The following BEND4 variants were observed in gnomAD, a reference collection of about 807,000 sequenced individuals.
BEND4 encodes the protein BEN domain containing 4, also known as BEN domain-containing protein 4.
In BEND4, 27 loss-of-function variants were observed where a neutral mutation model predicts 54.7. That is an observed-to-expected ratio of 0.49 (90% CI 0.36 to 0.68). The LOEUF (loss-of-function observed/expected upper bound fraction) is 0.68. Among genes scored for constraint, BEND4 ranks in the 30% least tolerant of loss-of-function variants. The probability of loss-of-function intolerance (pLI) is 0.00; values close to 1 mark genes in which losing one functional copy is unlikely to be tolerated. For synonymous variants in BEND4, 327 were observed against 299.5 expected (o/e 1.09, Z -0.95); for missense variants, 702 against 697.2 (o/e 1.01, Z -0.08).
At chr4:42,146,391 T>C (rs935542457) in intron 2 of BEND4, among the ~76,000 whole-genome samples, 1 of 152,218 alleles carries the variant, frequency 6.6e-6, no homozygotes, top group Admixed American at 6.5e-5. Context: ...GGACAGAACA[T>C]ATTTTGTTAA....
Position 42,143,592 on chromosome 4 carries a change from G to A in BEND4, c.890C>T (p.Ala297Val). The change falls in exon 3 of 6, where the codon GCA (alanine) becomes GTA (valine). Residue 297 changes from alanine to valine, a missense_variant. By Grantham distance (64) the Ala-to-Val change is moderately conservative (BLOSUM62 0). Coordinates refer to ENST00000502486, the MANE Select transcript of BEND4 (RefSeq NM_207406.4). ...TGGGTGGCCATGGGATTCGGACGTT[G>A]CTGGGGAAGTCCAGCCACCTAATGT... Reference protein sequence around the residue: ...VHTLGGWTSPATSESHGHPSS... With the variant: ...VHTLGGWTSPVTSESHGHPSS... The A allele has an allele frequency of 3.8e-6, 6 of 1,593,138 alleles. No homozygotes were observed. Among genetic ancestry groups the A allele is most frequent in the Non-Finnish European group, 5.1e-6 (6 of 1,169,516 alleles).
intron 2 of BEND4, among the ~76,000 whole-genome samples, chr4:42,144,422 C>T (rs1394807117): frequency 5.9e-5 from 9 of 152,172 alleles, no homozygotes; most frequent in Admixed American, 5.9e-4. Context: ...GCCCTCATGC[C>T]CTTGCTATTA....
At position 42,124,213 on chromosome 4, in the gene BEND4, C is replaced by T. The variant is rs181257575; in HGVS notation, c.1146+1370G>A. ...CTATAAAAACTAAAAGTTAGCTGGGCGTGGTGGTGCACACCTGTAGTCTCG... is the reference window on the plus strand; with the variant it reads ...CTATAAAAACTAAAAGTTAGCTGGGTGTGGTGGTGCACACCTGTAGTCTCG... On this transcript the variant is annotated intron_variant, in intron 4 of 5. Coordinates refer to ENST00000502486, the MANE Select transcript of BEND4 (RefSeq NM_207406.4). 1.4e-4 allele frequency among the ~76,000 whole-genome samples: 22 copies of T among 152,170 alleles called. No individual in the cohort carries two copies. In the East Asian group the frequency reaches 2.5e-3, roughly 17 times the overall value.
intron 3 of BEND4, among the ~76,000 whole-genome samples, chr4:42,138,375 A>G (rs980590121): frequency 6.6e-6 from 1 of 152,226 alleles, no homozygotes; most frequent in Non-Finnish European, 1.5e-5. Flanking sequence ...AATAAATTCA[A>G]ATTCAAATAT....
At chr4:42,149,774 G>A (rs925713380) in intron 2 of BEND4, among the ~76,000 whole-genome samples, 2 of 151,676 alleles carry the variant, frequency 1.3e-5, no homozygotes, top group Admixed American at 1.3e-4. Flanking sequence ...AACTGCCAGG[G>A]TAGAAGTAAC....
chr4:42,142,559 G>A (rs1720925442), intron 3 of BEND4, among the ~76,000 whole-genome samples: 1 of 150,580 alleles, frequency 6.6e-6, no homozygotes, highest in Non-Finnish European at 1.5e-5. Flanking sequence ...CTTGTACCCA[G>A]GAGACGGAGG....
At chr4:42,141,968 A>C (rs984814939) in intron 3 of BEND4, among the ~76,000 whole-genome samples, 1 of 151,744 alleles carries the variant, frequency 6.6e-6, no homozygotes, top group Admixed American at 6.6e-5. Context: ...GCAGAGGCAT[A>C]ATCTCAGCTC....
At chr4:42,135,528 T>G (rs192574675) in intron 3 of BEND4, among the ~76,000 whole-genome samples, 28 of 152,186 alleles carry the variant, frequency 1.8e-4, no homozygotes, top group African/African-American at 6.3e-4. Flanking sequence ...ATCCCAGGAC[T>G]TTGGGAGGCC....
rs780230012 is a variant in BEND4, at chr4:42,120,099, G to C, written c.1342C>G (p.Pro448Ala). The change falls in exon 5 of 6, where the codon CCC becomes GCC. Residue 448 changes from proline (P) to alanine (A), a missense_variant. By Grantham distance (27) the Pro-to-Ala change is conservative. Transcript: ENST00000502486. ...ACTGGATCCAGAGGGCGTCTTTCGG[G>C]ACCTGTCTCTCCTGACTGCACTGAC... Reference protein sequence around the residue: ...KRSVQSGETGPERRPLDPVKV... With the variant: ...KRSVQSGETGAERRPLDPVKV... 1.2e-6 allele frequency: 2 copies of C among 1,613,914 alleles called. No individual in the cohort carries two copies. Among genetic ancestry groups the C allele is most frequent in the Admixed American group, 1.7e-5 (1 of 60,020 alleles).
At chr4:42,133,634 C>T (rs1398931120) in intron 3 of BEND4, among the ~76,000 whole-genome samples, 1 of 152,106 alleles carries the variant, frequency 6.6e-6, no homozygotes, top group Non-Finnish European at 1.5e-5. Context: ...GCGGGTAGAT[C>T]ACGTGGTCAG....
At chr4:42,149,192 C>T (rs1199840926) in intron 2 of BEND4, among the ~76,000 whole-genome samples, 2 of 136,692 alleles carry the variant, frequency 1.5e-5, no homozygotes, top group African/African-American at 5.9e-5. Flanking sequence ...GCCGCTCCCA[C>T]CCCCCCCACC....
Position 42,120,178 on chromosome 4 carries a change from A to G in BEND4, c.1263T>C (p.Phe421=). ...ACTTAAGCTCATCGGTTGTGAAAAC[A>G]AATCTGATGAGGTATCGAAGGAGCC... ...GRRLLRYLIR[F]VFTTDELKYS... The change falls in exon 5 of 6, where the codon TTT becomes TTC. Residue 421 remains phenylalanine (F), a synonymous_variant. Transcript: ENST00000502486. 1 of 1,614,000 alleles carries G rather than the reference A, an allele frequency of 6.2e-7. No homozygotes were observed. Among genetic ancestry groups the G allele is most frequent in the Non-Finnish European group, 8.5e-7 (1 of 1,179,890 alleles).
chr4:42,111,432 A>C lies in BEND4; in HGVS notation c.*6086T>G, dbSNP rs904637164. On this transcript the variant is annotated 3_prime_UTR_variant, in exon 6 of 6. Transcript: ENST00000502486. ...CTACATGAAGTTCCAGAGAGGAGAG[A>C]CATAAAGGCAATGCCTAAATTGCGC... 6.6e-6 allele frequency: 1 copy of C among 152,188 alleles called. No individual in the cohort carries two copies. The highest frequency in any genetic ancestry group is 2.4e-5 in the African/African-American group (1 of 41,438). 9.4% of individuals were successfully genotyped at this position (152,188 alleles called of 1,614,324 possible). A position where few individuals can be genotyped will look rare whatever the true frequency, so the allele number is the denominator to read the frequency against.
At chr4:42,118,933 G>A (rs1719952433) in intron 5 of BEND4, among the ~76,000 whole-genome samples, 1 of 152,186 alleles carries the variant, frequency 6.6e-6, no homozygotes, top group Non-Finnish European at 1.5e-5. Context: ...CTTGTGCCTA[G>A]TAAATACAGG....
rs1403764534 is a variant in BEND4, at chr4:42,113,229, A to G, written c.*4289T>C. 6.6e-6 allele frequency: 1 copy of G among 152,234 alleles called. No individual in the cohort carries two copies. Among genetic ancestry groups the G allele is most frequent in the Non-Finnish European group, 1.5e-5 (1 of 68,030 alleles). 9.4% of individuals were successfully genotyped at this position (152,234 alleles called of 1,614,324 possible). On this transcript the variant is annotated 3_prime_UTR_variant, in exon 6 of 6. Coordinates refer to ENST00000502486, the MANE Select transcript of BEND4 (RefSeq NM_207406.4). ...CTGTCAAAAATTAACGCAGATCTGT[A>G]CTGTGAAATGACACAGCACTGAATG...
chr4:42,150,596 A>G (rs1721233645), intron 2 of BEND4, among the ~76,000 whole-genome samples: 1 of 152,340 alleles, frequency 6.6e-6, no homozygotes, highest in Admixed American at 6.5e-5. Flanking sequence ...AGTGCCATAA[A>G]AGGCCTTGGC....
intron 3 of BEND4, among the ~76,000 whole-genome samples, chr4:42,133,824 A>T (rs1025272237): frequency 6.6e-6 from 1 of 152,268 alleles, no homozygotes; most frequent in Admixed American, 6.5e-5. Flanking sequence ...ACTGCACTCC[A>T]GCCTGGGCAA....
In BEND4 at chr4:42,115,778, T is replaced by C. The variant is rs1186612430; in HGVS notation, c.*1740A>G. On this transcript the variant is annotated 3_prime_UTR_variant, in exon 6 of 6. Coordinates refer to ENST00000502486, the MANE Select transcript of BEND4 (RefSeq NM_207406.4). ...GCCGTAAGAACATGGCATTTGCCCA[T>C]ATCATTTCTTTTACTTCCAAATTTT... The C allele has an allele frequency of 2.0e-5, 3 of 152,246 alleles. No individual in the cohort carries two copies. Among genetic ancestry groups the C allele is most frequent in the East Asian group, 3.8e-4 (2 of 5,198 alleles). 9.4% of individuals were successfully genotyped at this position (152,246 alleles called of 1,614,324 possible). A position where few individuals can be genotyped will look rare whatever the true frequency, so the allele number is the denominator to read the frequency against.
chr4:42,151,611 TGCCCCC>T (rs1161022561), intron 2 of BEND4, 40 bp downstream of exon 2: 1 of 1,417,718 alleles, frequency 7.1e-7, no homozygotes, highest in Admixed American at 3.2e-5. Context: ...CCCCTCCCGC[TGCCCCC>T]GGCCGTGGCG....
Sources: allele counts gnomAD v4.1 joint callset (sites outside exome capture counted in the v4.1 genomes callset), GRCh38; gene constraint gnomAD v4.1.1; transcripts MANE v1.5; gene names NCBI Gene and HGNC (gene_info 2026-07-23, HGNC 2026-07-21).